The following SPMAP2L variants were observed in gnomAD, a reference collection of about 807,000 sequenced individuals.
SPMAP2L encodes sperm microtubule associated protein 2-like.
chr4:56,594,319 A>G, the SPMAP2L span: 1 of 1,525,954 alleles, frequency 6.6e-7, no homozygotes, highest in Non-Finnish European at 9.1e-7. Context: ...GCATGATTCC[A>G]CTGGGATCCT....
the SPMAP2L span, among the ~76,000 whole-genome samples, chr4:56,615,987 G>T: frequency 6.6e-6 from 1 of 152,108 alleles, no homozygotes; most frequent in South Asian, 2.1e-4. Flanking sequence ...ACAAGTTCTG[G>T]GGTTTCATCT....
At chr4:56,610,893 C>T in the SPMAP2L span, among the ~76,000 whole-genome samples, 19 of 152,196 alleles carry the variant, frequency 1.2e-4, no homozygotes, top group African/African-American at 3.1e-4. Context: ...AACCACAATG[C>T]GATACCACCT....
At chr4:56,547,170 T>A in the SPMAP2L span, among the ~76,000 whole-genome samples, 84 of 152,186 alleles carry the variant, frequency 5.5e-4, no homozygotes, top group African/African-American at 2.0e-3. Context: ...TCATCTACCA[T>A]ATGCAAGATG....
the SPMAP2L span, chr4:56,530,823 C>T: frequency 6.5e-7 from 1 of 1,535,304 alleles, no homozygotes; most frequent in South Asian, 1.2e-5. Flanking sequence ...TTGAGGAGTC[C>T]GAGGATCCCG....
chr4:56,531,109 A>C, the SPMAP2L span: 4 of 1,535,420 alleles, frequency 2.6e-6, no homozygotes, highest in Non-Finnish European at 3.5e-6. Flanking sequence ...CGCCGCAGTA[A>C]TGATCTCCCC....
chr4:56,592,887 A>C, the SPMAP2L span: 10 of 1,608,126 alleles, frequency 6.2e-6, no homozygotes, highest in Non-Finnish European at 7.7e-6. Flanking sequence ...GACCAGAGAG[A>C]GATGCTGCAG....
the SPMAP2L span, among the ~76,000 whole-genome samples, chr4:56,614,559 C>A: frequency 6.6e-6 from 1 of 151,984 alleles, no homozygotes; most frequent in South Asian, 2.1e-4. Context: ...GAGGCTGAGG[C>A]AGGAGAACAG....
At chr4:56,617,258 A>G in the SPMAP2L span, among the ~76,000 whole-genome samples, 14 of 152,194 alleles carry the variant, frequency 9.2e-5, no homozygotes, top group Non-Finnish European at 1.8e-4. Flanking sequence ...AATGGTAAGT[A>G]TTTGTGTAGC....
chr4:56,607,725 C>T, the SPMAP2L span, among the ~76,000 whole-genome samples: 30,555 of 151,942 alleles, frequency 0.2, 3,537 homozygotes, highest in East Asian at 0.41. Flanking sequence ...TGGTGGCTCC[C>T]GGCTGTAATC....
chr4:56,553,530 T>C, the SPMAP2L span, among the ~76,000 whole-genome samples: 6 of 151,896 alleles, frequency 4.0e-5, no homozygotes, highest in Admixed American at 6.6e-5. Flanking sequence ...TAATATACTT[T>C]AATTTTTAGA....
chr4:56,609,010 T>C, the SPMAP2L span, among the ~76,000 whole-genome samples: 1 of 152,060 alleles, frequency 6.6e-6, no homozygotes, highest in Admixed American at 6.6e-5. Context: ...ATGTATATCC[T>C]ATGCTGATAT....
chr4:56,618,586 A>C, the SPMAP2L span, among the ~76,000 whole-genome samples: 1 of 152,100 alleles, frequency 6.6e-6, no homozygotes, highest in African/African-American at 2.4e-5. Context: ...TAACCATCAG[A>C]TCTCGTGAGA....
chr4:56,565,478 G>A, the SPMAP2L span, among the ~76,000 whole-genome samples: 7 of 152,312 alleles, frequency 4.6e-5, no homozygotes, highest in African/African-American at 1.7e-4. Context: ...CTGACCTTGT[G>A]TGATGGGTCA....
chr4:56,531,606 G>A, the SPMAP2L span, among the ~76,000 whole-genome samples: 7 of 152,050 alleles, frequency 4.6e-5, no homozygotes, highest in African/African-American at 1.4e-4. Flanking sequence ...GGATATTTTC[G>A]TCAGTGTTTG....
At chr4:56,562,820 G>T in the SPMAP2L span, among the ~76,000 whole-genome samples, 2 of 141,094 alleles carry the variant, frequency 1.4e-5, no homozygotes. Flanking sequence ...TACATATATA[G>T]CCTGCTTAAA....
At chr4:56,596,399 T>C in the SPMAP2L span, 1 of 1,254,514 alleles carries the variant, frequency 8.0e-7, no homozygotes, top group Non-Finnish European at 1.0e-6. Context: ...GCTGGAGTGT[T>C]GAGAAGTCTG....
At chr4:56,536,378 T>A in the SPMAP2L span, among the ~76,000 whole-genome samples, 1 of 152,252 alleles carries the variant, frequency 6.6e-6, no homozygotes, top group East Asian at 1.9e-4. Context: ...CAGGGCACTC[T>A]TGTTTCAAAT....
the SPMAP2L span, among the ~76,000 whole-genome samples, chr4:56,571,416 G>A: frequency 2.7e-5 from 4 of 150,816 alleles, no homozygotes; most frequent in African/African-American, 7.3e-5. Context: ...GGGCTCATGC[G>A]ATCCTCCCAC....
At chr4:56,547,240 CTCT>C in the SPMAP2L span, among the ~76,000 whole-genome samples, 1 of 83,744 alleles carries the variant, frequency 1.2e-5, no homozygotes, top group Non-Finnish European at 2.2e-5. Context: ...ATTACTAATT[CTCT>C]TTTTTTTTTT....
Sources: gnomAD v4.1 joint callset for allele counts (sites outside exome capture counted in the v4.1 genomes callset) on GRCh38, gnomAD v4.1.1 for gene constraint, MANE v1.5 for transcripts, NCBI Gene and HGNC (gene_info 2026-07-23, HGNC 2026-07-21) for gene names.